GALNTL6: variants seen among roughly 807,000 people sequenced by gnomAD.
GALNTL6 encodes polypeptide N-acetylgalactosaminyltransferase-like 6.
In GALNTL6, 46 loss-of-function variants were observed where a neutral mutation model predicts 73.7. That is an observed-to-expected ratio of 0.62 (90% CI 0.49 to 0.80). The LOEUF is 0.80. Ranked by LOEUF, GALNTL6 falls within the 30% of genes least tolerant of loss-of-function variation. GALNTL6 has a pLI of 0.00. For synonymous variants in GALNTL6, 259 were observed against 263.7 expected (o/e 0.98, Z 0.17); for missense variants, 604 against 755.0 (o/e 0.80, Z 2.34).
At chr4:172,642,328 A>T (rs925197982) in intron 5 of GALNTL6, among the ~76,000 whole-genome samples, 1 of 152,104 alleles carries the variant, frequency 6.6e-6, no homozygotes, top group African/African-American at 2.4e-5. Context: ...AATCAACCTA[A>T]GTGTCTATCA....
intron 5 of GALNTL6, among the ~76,000 whole-genome samples, chr4:172,374,756 G>A (rs1201761636): frequency 6.6e-6 from 1 of 152,276 alleles, no homozygotes; most frequent in East Asian, 1.9e-4. Flanking sequence ...AAGATACCAG[G>A]TATCTCCAAA....
intron 2 of GALNTL6, among the ~76,000 whole-genome samples, chr4:171,822,113 C>G (rs1237545483): frequency 6.6e-6 from 1 of 151,824 alleles, no homozygotes; most frequent in Non-Finnish European, 1.5e-5. Flanking sequence ...TAATTACAGG[C>G]AAGAAACTGA....
At chr4:172,049,919 G>T (rs1362411697) in intron 2 of GALNTL6, among the ~76,000 whole-genome samples, 2 of 151,994 alleles carry the variant, frequency 1.3e-5, no homozygotes, top group Non-Finnish European at 2.9e-5. Context: ...AGGAGGCAGA[G>T]GTTGCAGTGA....
At chr4:172,525,319 G>C (rs1734914072) in intron 5 of GALNTL6, among the ~76,000 whole-genome samples, 1 of 152,118 alleles carries the variant, frequency 6.6e-6, no homozygotes, top group South Asian at 2.1e-4. Flanking sequence ...TGACATCTTT[G>C]CAACATTGAA....
intron 2 of GALNTL6, among the ~76,000 whole-genome samples, chr4:171,939,458 G>A (rs59339512): frequency 0.042 from 6,417 of 151,844 alleles, 390 homozygotes; most frequent in African/African-American, 0.14. Flanking sequence ...GACTATTTAT[G>A]TAAATATAAT....
At chr4:171,819,962 T>C (rs1324341755) in intron 2 of GALNTL6, among the ~76,000 whole-genome samples, 1 of 152,124 alleles carries the variant, frequency 6.6e-6, no homozygotes, top group African/African-American at 2.4e-5. Flanking sequence ...AAATGGAAGG[T>C]TCTGAAGATG....
At chr4:172,391,209 G>A (rs1743654471) in intron 5 of GALNTL6, among the ~76,000 whole-genome samples, 1 of 152,152 alleles carries the variant, frequency 6.6e-6, no homozygotes, top group Non-Finnish European at 1.5e-5. Flanking sequence ...TCTCTGGTGA[G>A]GGTCTGGTCT....
At chr4:171,997,161 C>A (rs373910783) in intron 2 of GALNTL6, among the ~76,000 whole-genome samples, 2 of 152,188 alleles carry the variant, frequency 1.3e-5, no homozygotes, top group Admixed American at 6.6e-5. Flanking sequence ...TTTGAACTTG[C>A]ATGCAAATGA....
intron 2 of GALNTL6, among the ~76,000 whole-genome samples, chr4:172,193,555 A>G (rs956459409): frequency 8.6e-6 from 1 of 116,922 alleles, no homozygotes; most frequent in African/African-American, 2.5e-5. Context: ...TTGAAGGTAG[A>G]TAAGTGGTGA....
rs747463179 is a variant in GALNTL6, at chr4:172,566,195, C to G, written c.553+217506C>G. 5.9e-4 allele frequency among the ~76,000 whole-genome samples: 90 copies of G among 152,062 alleles called. 1 individual carries two copies. Among genetic ancestry groups the G allele is most frequent in the Non-Finnish European group, 1.2e-3 (83 of 67,974 alleles). ...AAACAACACTGTAGATTTAGTACAC[C>G]TAACATACAGATACAAAATATACCA... is the stretch of plus-strand genomic sequence containing the variant. On this transcript the variant is annotated intron_variant, in intron 5 of 12. Transcript: ENST00000506823.
At chr4:172,930,925 A>C (rs1255512749) in intron 8 of GALNTL6, among the ~76,000 whole-genome samples, 1 of 152,200 alleles carries the variant, frequency 6.6e-6, no homozygotes, top group Admixed American at 6.5e-5. Context: ...TTGGCCTCCC[A>C]AAGTACTGGG....
At chr4:172,563,686 G>T (rs1736459200) in intron 5 of GALNTL6, among the ~76,000 whole-genome samples, 1 of 152,186 alleles carries the variant, frequency 6.6e-6, no homozygotes, top group South Asian at 2.1e-4. Context: ...AAGGATCACT[G>T]TAACAGTCAG....
chr4:172,402,576 A>G (rs1250777844), intron 5 of GALNTL6, among the ~76,000 whole-genome samples: 2 of 152,128 alleles, frequency 1.3e-5, no homozygotes, highest in African/African-American at 4.8e-5. Flanking sequence ...CTGCTATTGC[A>G]TTGAAAAGTA....
chr4:171,869,887 A>G (rs1286433125), intron 2 of GALNTL6, among the ~76,000 whole-genome samples: 2 of 152,102 alleles, frequency 1.3e-5, no homozygotes, highest in Admixed American at 1.3e-4. Context: ...AGGCCTCCCC[A>G]GCCACATGGA....
intron 8 of GALNTL6, among the ~76,000 whole-genome samples, chr4:172,914,891 A>C (rs554433909): frequency 5.3e-5 from 8 of 152,354 alleles, no homozygotes; most frequent in African/African-American, 1.9e-4. Context: ...GCTCTGCACC[A>C]AGTGGACCTA....
chr4:171,934,140 G>T (rs532238492), intron 2 of GALNTL6, among the ~76,000 whole-genome samples: 35 of 152,132 alleles, frequency 2.3e-4, no homozygotes, highest in Non-Finnish European at 4.3e-4. Context: ...ATCAAGAGAT[G>T]ATATGACTTC....
intron 5 of GALNTL6, among the ~76,000 whole-genome samples, chr4:172,740,993 C>T (rs76263300): frequency 5.3e-5 from 8 of 152,026 alleles, no homozygotes; most frequent in Non-Finnish European, 2.9e-5. Flanking sequence ...CAGGAGCCTA[C>T]CCCTTTAATG....
intron 2 of GALNTL6, among the ~76,000 whole-genome samples, chr4:171,947,663 C>A (rs1025860783): frequency 6.6e-6 from 1 of 152,266 alleles, no homozygotes; most frequent in Non-Finnish European, 1.5e-5. Flanking sequence ...ATGACAAAGA[C>A]TAATAGTAGA....
At chr4:172,817,779 C>CTCT (rs758346470) in intron 7 of GALNTL6, among the ~76,000 whole-genome samples, 38 of 152,176 alleles carry the variant, frequency 2.5e-4, no homozygotes, top group Non-Finnish European at 1.9e-4. Flanking sequence ...GGCATCCAAC[C>CTCT]TCTGCAGTAA....
Sources: gnomAD v4.1 joint callset for allele counts (sites outside exome capture counted in the v4.1 genomes callset) on GRCh38, gnomAD v4.1.1 for gene constraint, MANE v1.5 for transcripts, NCBI Gene and HGNC (gene_info 2026-07-23, HGNC 2026-07-21) for gene names.